SLC37A1: variants seen among roughly 807,000 people sequenced by gnomAD.
The protein encoded by SLC37A1 is glucose-6-phosphate exchanger SLC37A1.
SLC37A1 carries 49 observed loss-of-function variants against 75.3 expected under a neutral mutation model. The observed-to-expected ratio is 0.65, with a 90% CI of 0.52 to 0.83. SLC37A1 has a LOEUF of 0.83. Among genes scored for constraint, SLC37A1 ranks in the 40% least tolerant of loss-of-function variants. The probability of loss-of-function intolerance (pLI) is 0.00; values close to 1 mark genes in which losing one functional copy is unlikely to be tolerated. For synonymous variants in SLC37A1, 268 were observed against 292.1 expected (o/e 0.92, Z 0.84); for missense variants, 566 against 695.0 (o/e 0.81, Z 2.09).
intron 14 of SLC37A1, 147 bp downstream of exon 14, chr21:42,564,940 C>T: frequency 1.4e-6 from 1 of 718,454 alleles, no homozygotes; most frequent in South Asian, 1.8e-5. Flanking sequence ...GTCCCCCGAC[C>T]CCTCCCTTGG....
intron 9 of SLC37A1, among the ~76,000 whole-genome samples, chr21:42,551,234 T>A (rs1425598528): frequency 6.6e-6 from 1 of 152,230 alleles, no homozygotes; most frequent in Non-Finnish European, 1.5e-5. Context: ...AAGACCAGTA[T>A]ACAAAAATCA....
intron 16 of SLC37A1, 112 bp from the exon 17 acceptor site, chr21:42,568,248 C>T (rs1185940944): frequency 1.5e-5 from 12 of 811,272 alleles, no homozygotes; most frequent in Non-Finnish European, 2.5e-5. Context: ...ATGGGAAACA[C>T]CCTCACGATG....
intron 14 of SLC37A1, among the ~76,000 whole-genome samples, chr21:42,565,115 G>A (rs969081499): frequency 3.9e-5 from 6 of 152,222 alleles, no homozygotes; most frequent in African/African-American, 1.2e-4. Context: ...CTTAGGCATC[G>A]TTGACACCTC....
At chr21:42,546,616 T>A (rs1601721741) in intron 8 of SLC37A1, among the ~76,000 whole-genome samples, 1 of 152,168 alleles carries the variant, frequency 6.6e-6, no homozygotes, top group Non-Finnish European at 1.5e-5. Context: ...TGGCTGGCGG[T>A]GATCTGCCAT....
intron 2 of SLC37A1, among the ~76,000 whole-genome samples, chr21:42,507,362 T>G (rs1250385860): frequency 6.6e-6 from 1 of 152,076 alleles, no homozygotes; most frequent in African/African-American, 2.4e-5. Flanking sequence ...AGTGCTGAGG[T>G]CTTCAGTGTA....
intron 2 of SLC37A1, among the ~76,000 whole-genome samples, chr21:42,519,921 A>G (rs1055363660): frequency 3.3e-5 from 5 of 152,062 alleles, no homozygotes; most frequent in Admixed American, 6.5e-5. Context: ...AAAGATTAAC[A>G]TTTAGCCTCA....
chr21:42,525,629 A>C (rs541313189), intron 2 of SLC37A1, 147 bp from the exon 3 acceptor site: 10 of 625,872 alleles, frequency 1.6e-5, no homozygotes, highest in African/African-American at 1.3e-4. Context: ...ATGTTCCAAT[A>C]TTATAGTGAC....
At chr21:42,558,878 T>C in intron 10 of SLC37A1, 80 bp from the exon 11 acceptor site, 2 of 1,584,674 alleles carry the variant, frequency 1.3e-6, no homozygotes, top group Non-Finnish European at 1.7e-6. Flanking sequence ...CCCTCGTCAT[T>C]AGGAAGCCTG....
intron 18 of SLC37A1, among the ~76,000 whole-genome samples, chr21:42,576,344 A>G (rs2056308077): frequency 6.6e-6 from 1 of 152,182 alleles, no homozygotes; most frequent in Non-Finnish European, 1.5e-5. Flanking sequence ...AGACCTCCCC[A>G]CAGTCAGCTT....
At chr21:42,512,778 A>T (rs1443489430), upstream of SLC37A1, among the ~76,000 whole-genome samples, 1 of 152,210 alleles carries the variant, frequency 6.6e-6, no homozygotes, top group Non-Finnish European at 1.5e-5. Flanking sequence ...ATGCCTAACA[A>T]AGTGATGGAT....
intron 13 of SLC37A1, among the ~76,000 whole-genome samples, chr21:42,564,461 G>A (rs1392020424): frequency 6.6e-6 from 1 of 152,136 alleles, no homozygotes; most frequent in Non-Finnish European, 1.5e-5. Context: ...TACCTTGATA[G>A]GTAAAGGGGC....
chr21:42,542,562 C>CA, intron 7 of SLC37A1, 82 bp downstream of exon 7: 2 of 1,331,644 alleles, frequency 1.5e-6, no homozygotes, highest in Non-Finnish European at 2.1e-6. Flanking sequence ...CTGATTACAG[C>CA]AAAAACACTT....
rs777363276 is a variant in SLC37A1, at chr21:42,564,698, T to C, written c.1136-10T>C. ...GACGTCAGTGCCTGAAGCCCGCCTC[T>C]CCGTTGCAGGTGGGATCCTGGCAGG... On this transcript the variant is annotated splice_polypyrimidine_tract_variant and intron_variant, in intron 13 of 19. Coordinates refer to ENST00000352133, the MANE Select transcript of SLC37A1 (RefSeq NM_001320537.2). The C allele has an allele frequency of 6.2e-7, 1 of 1,610,070 alleles. No homozygotes were observed. The highest frequency in any genetic ancestry group is 8.5e-7 in the Non-Finnish European group (1 of 1,179,048).
Position 42,548,939 on chromosome 21 carries a change from A to G in SLC37A1, c.768+1799A>G, listed in dbSNP as rs1011866444. Among the ~76,000 whole-genome samples, 2 of 152,210 alleles carry G rather than the reference A, an allele frequency of 1.3e-5. No individual in the cohort carries two copies. Among genetic ancestry groups the G allele is most frequent in the Non-Finnish European group, 2.9e-5 (2 of 68,038 alleles). On this transcript the variant is annotated intron_variant, in intron 9 of 19. Coordinates refer to ENST00000352133, the MANE Select transcript of SLC37A1 (RefSeq NM_001320537.2). This position sits in a 1 kb window ranked among gnomAD's most constrained non-coding sequence, Gnocchi z 5.6. ...CCTGGGTGTGATTCATATGGAAAGA[A>G]GGGTTCTGATACTTGATGACAAAAA...
Position 42,547,211 on chromosome 21 carries a change from G to C in SLC37A1, c.768+71G>C, listed in dbSNP as rs2055432309. 2.4e-5 allele frequency: 37 copies of C among 1,559,382 alleles called. No homozygotes were observed. Among genetic ancestry groups the C allele is most frequent in the Non-Finnish European group, 3.3e-5 (37 of 1,130,444 alleles). On this transcript the variant is annotated intron_variant, in intron 9 of 19. Transcript: ENST00000352133. This position sits in a 1 kb window ranked among gnomAD's most constrained non-coding sequence, Gnocchi z 6.1. ...CTGACCACTTCCCCAGCCTGCTCCT[G>C]CCTGTGCGGTGTCAGACAGAAACAC... is the stretch of plus-strand genomic sequence containing the variant.
intron 9 of SLC37A1, among the ~76,000 whole-genome samples, chr21:42,549,121 G>A (rs1019471638): frequency 3.3e-5 from 5 of 152,280 alleles, no homozygotes; most frequent in African/African-American, 4.8e-5. Context: ...CAGTCGTGCC[G>A]TGAAGTAGCT....
intron 2 of SLC37A1, among the ~76,000 whole-genome samples, chr21:42,521,529 C>T (rs1181903767): frequency 6.6e-6 from 1 of 152,228 alleles, no homozygotes; most frequent in South Asian, 2.1e-4. Context: ...AACAAGGAGA[C>T]AGATATTTTG....
chr21:42,500,099 T>G (rs2054327498), intron 1 of SLC37A1, among the ~76,000 whole-genome samples: 1 of 152,112 alleles, frequency 6.6e-6, no homozygotes, highest in Non-Finnish European at 1.5e-5. Context: ...TTCAGTAAAA[T>G]GCAAACAGAT....
At chr21:42,576,154 G>A (rs1441268590) in intron 18 of SLC37A1, among the ~76,000 whole-genome samples, 1 of 152,070 alleles carries the variant, frequency 6.6e-6, no homozygotes, top group Non-Finnish European at 1.5e-5. Flanking sequence ...CGTTAGGCTG[G>A]CACAAGATGA....
Sources: allele counts gnomAD v4.1 joint callset (sites outside exome capture counted in the v4.1 genomes callset), GRCh38; gene constraint gnomAD v4.1.1; non-coding constraint Gnocchi (gnomAD v3.1); transcripts MANE v1.5; gene names NCBI Gene and HGNC (gene_info 2026-07-23, HGNC 2026-07-21).